Variants in ACSBG1 observed in about 807,000 individuals in gnomAD.
ACSBG1 encodes the protein long-chain-fatty-acid--CoA ligase ACSBG1.
In ACSBG1, 39 loss-of-function variants were observed where a neutral mutation model predicts 80.2. The ratio of observed to expected loss-of-function variants is 0.49; its 90% CI spans 0.38 to 0.64. The LOEUF is 0.64. ACSBG1 is among the 30% of genes least tolerant of loss of function. The pLI is 0.00. For synonymous variants in ACSBG1, 392 were observed against 379.5 expected (o/e 1.03, Z -0.38); for missense variants, 828 against 966.4 (o/e 0.86, Z 1.90).
chr15:78,207,762 C>T (rs1443667875), intron 2 of ACSBG1: 17 of 542,434 alleles, frequency 3.1e-5, no homozygotes, highest in Middle Eastern at 4.8e-4. Flanking sequence ...TCTCTTCTTC[C>T]CAGCTTTCTT....
At chr15:78,216,830 C>T (rs1371043318) in intron 1 of ACSBG1, among the ~76,000 whole-genome samples, 4 of 152,200 alleles carry the variant, frequency 2.6e-5, no homozygotes, top group African/African-American at 9.6e-5. Flanking sequence ...ATGCCAAATC[C>T]CACAGCCTGC....
intron 11 of ACSBG1, among the ~76,000 whole-genome samples, chr15:78,175,226 G>C (rs944226163): frequency 2.6e-5 from 4 of 152,216 alleles, no homozygotes; most frequent in Non-Finnish European, 5.9e-5. Context: ...AGTACTGATG[G>C]CTTACTTCTA....
chr15:78,193,519 TC>T lies in ACSBG1; in HGVS notation c.649del (p.Glu217LysfsTer4). The T allele has an allele frequency of 6.2e-7, 1 of 1,611,502 alleles. No individual in the cohort carries two copies. Among genetic ancestry groups the T allele is most frequent in the Non-Finnish European group, 8.5e-7 (1 of 1,178,484 alleles). ...TCTTCCCCAAACCTTCAGGATCTTT[TC>T]CAGCTGCTTCTGCGTGTCGACCATG... ...VIMVDTQKQL[E>X]KILKIWKQLP... On this transcript the variant is annotated frameshift_variant, in exon 5 of 14. Coordinates refer to ENST00000258873, the MANE Select transcript of ACSBG1 (RefSeq NM_015162.5). LOFTEE classifies it high-confidence loss of function.
chr15:78,179,753 C>T lies in ACSBG1; in HGVS notation c.1281G>A (p.Leu427=), dbSNP rs755095022. ...GSDLKPFTTR[L]ADYLVLAKVR... ...CCTTGGCTAGCACCAGGTAATCTGCCAGTCTGGTTGTGAAGGGCTTCAGGT... is the reference window on the plus strand; with the variant it reads ...CCTTGGCTAGCACCAGGTAATCTGCTAGTCTGGTTGTGAAGGGCTTCAGGT... Residue 427 remains leucine (L), a synonymous_variant, in exon 10 of 14, where the codon CTG becomes CTA. Coordinates refer to ENST00000258873, the MANE Select transcript of ACSBG1 (RefSeq NM_015162.5). The T allele has an allele frequency of 7.4e-6, 12 of 1,613,586 alleles. No homozygotes were observed. Among genetic ancestry groups the T allele is most frequent in the Non-Finnish European group, 9.3e-6 (11 of 1,179,952 alleles).
At chr15:78,199,470 T>C (rs916530063) in intron 2 of ACSBG1, among the ~76,000 whole-genome samples, 1 of 151,834 alleles carries the variant, frequency 6.6e-6, no homozygotes, top group Non-Finnish European at 1.5e-5. Context: ...CAAGGCAGGA[T>C]TGCTTGAGGC....
rs752412690 is a variant in ACSBG1, at chr15:78,193,601, T to A, written c.568A>T (p.Thr190Ser). The A allele has an allele frequency of 6.2e-7, 1 of 1,613,580 alleles. No individual in the cohort carries two copies. Among genetic ancestry groups the A allele is most frequent in the Non-Finnish European group, 8.5e-7 (1 of 1,179,780 alleles). ...AGGIVTGIYT[T>S]SSPEACQYIA... Reference sequence around the variant, plus strand: ...TACTGGCAGGCCTCTGGGGAGCTGGTGGTGTAGATGCCAGTGACGATGCCA... The same window carrying A: ...TACTGGCAGGCCTCTGGGGAGCTGGAGGTGTAGATGCCAGTGACGATGCCA... The change falls in exon 5 of 14, where the codon ACC (threonine) becomes TCC (serine). Residue 190 changes from threonine (T) to serine (S), a missense_variant. By Grantham distance (58) the Thr-to-Ser change is moderately conservative. Transcript: ENST00000258873.
In ACSBG1 at chr15:78,208,019, G is replaced by C; in HGVS notation, c.215C>G (p.Ala72Gly). 1 of 1,613,738 alleles carries C rather than the reference G, an allele frequency of 6.2e-7. No individual in the cohort carries two copies. Among genetic ancestry groups the C allele is most frequent in the Non-Finnish European group, 8.5e-7 (1 of 1,179,842 alleles). Reference protein sequence around the residue: ...ELSVPEKVNNAQWDAPEEALW... With the variant: ...ELSVPEKVNNGQWDAPEEALW... ...TGGCTTACCTGGAGCATCCCACTGG[G>C]CATTATTCACCTTCTCTGGCACTGA... The change falls in exon 2 of 14, where the codon GCC becomes GGC. Residue 72 changes from alanine (A) to glycine (G), a missense_variant. Transcript: ENST00000258873.
At chr15:78,174,959 G>A (rs1277313714) in intron 11 of ACSBG1, 1 of 181,864 alleles carries the variant, frequency 5.5e-6, no homozygotes, top group African/African-American at 2.4e-5. Context: ...CAATAATGAA[G>A]CAGACACTCT....
At chr15:78,211,235 C>T (rs2075264418) in intron 1 of ACSBG1, among the ~76,000 whole-genome samples, 1 of 152,208 alleles carries the variant, frequency 6.6e-6, no homozygotes, top group Non-Finnish European at 1.5e-5. Flanking sequence ...TGTAAATGAT[C>T]CTACAGGTGA....
At chr15:78,193,811 C>G (rs890347848) in intron 4 of ACSBG1, 121 bp downstream of exon 4, 18 of 1,443,702 alleles carry the variant, frequency 1.2e-5, no homozygotes, top group Non-Finnish European at 1.5e-5. Context: ...CCAGAAGGCC[C>G]CAGGGAGGAG....
intron 2 of ACSBG1, among the ~76,000 whole-genome samples, chr15:78,203,703 A>G (rs1470147257): frequency 2.0e-5 from 3 of 152,218 alleles, no homozygotes; most frequent in East Asian, 3.8e-4. Flanking sequence ...AAACAACACA[A>G]GAGCAGAGAG....
chr15:78,192,928 T>C (rs1362096178), intron 5 of ACSBG1, among the ~76,000 whole-genome samples: 2 of 152,156 alleles, frequency 1.3e-5, no homozygotes, highest in African/African-American at 4.8e-5. Flanking sequence ...CACCCCAGTA[T>C]GGTGCATGCA....
At chr15:78,225,998 T>C (rs1194763212) in intron 1 of ACSBG1, among the ~76,000 whole-genome samples, 1 of 152,154 alleles carries the variant, frequency 6.6e-6, no homozygotes, top group East Asian at 1.9e-4. Context: ...CCCTGAATGT[T>C]AGCTAGAGGT....
chr15:78,199,201 T>C (rs571152883), intron 2 of ACSBG1, among the ~76,000 whole-genome samples: 1 of 151,948 alleles, frequency 6.6e-6, no homozygotes, highest in African/African-American at 2.4e-5. Flanking sequence ...AGTCTTAGCC[T>C]CCTGAGTAGC....
chr15:78,192,139 A>C (rs567911036), intron 5 of ACSBG1, among the ~76,000 whole-genome samples: 1 of 152,258 alleles, frequency 6.6e-6, no homozygotes, highest in East Asian at 1.9e-4. Flanking sequence ...ATGCGTCTAC[A>C]AGCCAAGGAA....
At chr15:78,205,324 G>T (rs1357813734) in intron 2 of ACSBG1, among the ~76,000 whole-genome samples, 2 of 152,024 alleles carry the variant, frequency 1.3e-5, no homozygotes, top group African/African-American at 4.8e-5. Context: ...AAACTTTTTG[G>T]GACCTCAAAG....
chr15:78,189,541 AATC>A (rs1329714967), intron 5 of ACSBG1, among the ~76,000 whole-genome samples: 1 of 152,174 alleles, frequency 6.6e-6, no homozygotes, highest in African/African-American at 2.4e-5. Flanking sequence ...TGAAATGGGA[AATC>A]ATCATTCTCA....
At chr15:78,190,116 A>G (rs1245694047) in intron 5 of ACSBG1, among the ~76,000 whole-genome samples, 1 of 152,136 alleles carries the variant, frequency 6.6e-6, no homozygotes. Flanking sequence ...TCTCTGAAAG[A>G]TACTCAGCTG....
intron 2 of ACSBG1, among the ~76,000 whole-genome samples, chr15:78,205,108 T>A (rs756866402): frequency 7.9e-5 from 12 of 152,116 alleles, no homozygotes; most frequent in Non-Finnish European, 1.0e-4. Flanking sequence ...GTCTCGATGC[T>A]GCCCTTCTCC....
Sources: allele counts gnomAD v4.1 joint callset (sites outside exome capture counted in the v4.1 genomes callset), GRCh38; gene constraint gnomAD v4.1.1; transcripts MANE v1.5; gene names NCBI Gene and HGNC (gene_info 2026-07-23, HGNC 2026-07-21).